MACROD1: variants seen among roughly 807,000 people sequenced by gnomAD.
MACROD1 encodes the protein mono-ADP ribosylhydrolase 1.
Under a neutral mutation model 41.4 loss-of-function variants are expected in MACROD1, and 31 were observed. The ratio of observed to expected loss-of-function variants is 0.75; its 90% CI spans 0.56 to 1.01. The LOEUF (loss-of-function observed/expected upper bound fraction) is 1.01, where lower values mean the gene tolerates loss of function less well. MACROD1 is among the 50% of genes least tolerant of loss of function. MACROD1 has a pLI of 0.00. For synonymous variants in MACROD1, 252 were observed against 203.4 expected, an observed-to-expected ratio of 1.24 and a Z score of -2.03; for missense variants, 473 against 460.0, an observed-to-expected ratio of 1.03 and a Z score of -0.26.
At chr11:64,105,737 G>A (rs1944751007) in intron 3 of MACROD1, among the ~76,000 whole-genome samples, 1 of 152,192 alleles carries the variant, frequency 6.6e-6, no homozygotes, top group Non-Finnish European at 1.5e-5. Flanking sequence ...CTGTTCCCCA[G>A]CATCCTCCCT....
In MACROD1 at chr11:64,082,045, T is replaced by C. The variant is rs1565223885; in HGVS notation, c.518-66764A>G. Reference sequence around the variant, plus strand: ...GGATCCCGTGACAGGTTGAAAAGTGTGTGAGCTGCAGCGTCCTGGGCTGGG... The same window carrying C: ...GGATCCCGTGACAGGTTGAAAAGTGCGTGAGCTGCAGCGTCCTGGGCTGGG... On this transcript the variant is annotated intron_variant, in intron 3 of 10. Transcript: ENST00000255681. This position sits in a 1 kb window ranked among gnomAD's most constrained non-coding sequence, Gnocchi z 4.5. The C allele has an allele frequency of 6.6e-6, 1 of 152,216 alleles. No individual in the cohort carries two copies. Among genetic ancestry groups the C allele is most frequent in the Non-Finnish European group, 1.5e-5 (1 of 68,132 alleles). 9.4% of individuals were successfully genotyped at this position (152,216 alleles called of 1,614,324 possible).
chr11:64,148,485 G>A (rs182490361), intron 3 of MACROD1, among the ~76,000 whole-genome samples: 4 of 152,294 alleles, frequency 2.6e-5, no homozygotes, highest in East Asian at 3.9e-4. Flanking sequence ...ACTGACGCCC[G>A]CGGGGCCAGC....
intron 3 of MACROD1, chr11:64,149,134 G>T: frequency 1.9e-6 from 1 of 531,892 alleles, no homozygotes; most frequent in Non-Finnish European, 2.4e-6. Flanking sequence ...GAGGTACCAT[G>T]TCCCTCGGCA....
chr11:64,041,643 T>C lies in MACROD1; in HGVS notation c.518-26362A>G, dbSNP rs954567361. 2.0e-5 allele frequency among the ~76,000 whole-genome samples: 3 copies of C among 151,810 alleles called. No individual in the cohort carries two copies. The South Asian group carries it at 6.3e-4, about 32-fold the overall frequency. On this transcript the variant is annotated intron_variant, in intron 3 of 10. Coordinates refer to ENST00000255681, the MANE Select transcript of MACROD1 (RefSeq NM_014067.4). ...ACCGAATGACCGCCTCGGGAGCTGG[T>C]GTGGTGGCAGTGGAGGGTCCAGCCT...
intron 1 of MACROD1, among the ~76,000 whole-genome samples, chr11:64,164,552 G>C (rs544619181): frequency 3.5e-3 from 531 of 152,376 alleles, no homozygotes; most frequent in Non-Finnish European, 6.6e-3. Flanking sequence ...CCAAGTGCCT[G>C]ACAAGTTCTC....
At chr11:64,079,237 G>A (rs191019923) in intron 3 of MACROD1, among the ~76,000 whole-genome samples, 3 of 152,044 alleles carry the variant, frequency 2.0e-5, no homozygotes, top group Non-Finnish European at 4.4e-5. Context: ...TTCCTGCTCT[G>A]GCATGTGGCT....
At chr11:64,101,132 C>T (rs1311967807) in intron 3 of MACROD1, among the ~76,000 whole-genome samples, 1 of 151,934 alleles carries the variant, frequency 6.6e-6, no homozygotes, top group Non-Finnish European at 1.5e-5. Context: ...CAGAGGGTGG[C>T]CCATTGCAGG....
At chr11:64,084,406 T>C (rs556695282) in intron 3 of MACROD1, among the ~76,000 whole-genome samples, 123 of 152,222 alleles carry the variant, frequency 8.1e-4, no homozygotes, top group African/African-American at 2.9e-3. Context: ...CTGAGCTGCC[T>C]ACCTTTCCCG....
chr11:63,998,818 C>G lies in MACROD1; in HGVS notation c.*30+20G>C. The G allele has an allele frequency of 6.6e-7, 1 of 1,516,784 alleles. No individual in the cohort carries two copies. The highest frequency in any genetic ancestry group is 8.8e-7 in the Non-Finnish European group (1 of 1,136,876). 94.0% of individuals were successfully genotyped at this position (1,516,784 alleles called of 1,614,324 possible). On this transcript the variant is annotated intron_variant, in intron 10 of 10. Transcript: ENST00000255681. ...TTAGTCTAGGGCCGGGGCCGCCGCA[C>G]GGGGCGAGGCCCTGCTTACCAGTCC...
intron 3 of MACROD1, among the ~76,000 whole-genome samples, chr11:64,130,724 C>T (rs1372665648): frequency 1.3e-5 from 2 of 152,188 alleles, no homozygotes; most frequent in African/African-American, 2.4e-5. Context: ...GCCGCACCCA[C>T]GTCACCTTCC....
At chr11:64,069,723 C>T (rs912475668) in intron 3 of MACROD1, among the ~76,000 whole-genome samples, 2 of 152,178 alleles carry the variant, frequency 1.3e-5, no homozygotes, top group African/African-American at 2.4e-5. Flanking sequence ...GTGACACCCC[C>T]GGGCCCGGCC....
chr11:64,065,228 C>T (rs952211801), intron 3 of MACROD1, among the ~76,000 whole-genome samples: 3 of 152,110 alleles, frequency 2.0e-5, no homozygotes, highest in Non-Finnish European at 2.9e-5. Flanking sequence ...AGATGAAGAG[C>T]GGGTAGAGTG....
chr11:64,138,465 T>C (rs1590958627), intron 3 of MACROD1: 2 of 970,684 alleles, frequency 2.1e-6, no homozygotes, highest in Non-Finnish European at 2.4e-6. Flanking sequence ...TTAATGTTCC[T>C]GTTTCTCCTC....
chr11:64,068,222 A>T (rs1944041216), intron 3 of MACROD1, among the ~76,000 whole-genome samples: 1 of 152,106 alleles, frequency 6.6e-6, no homozygotes, highest in African/African-American at 2.4e-5. Context: ...GTGATGTGGC[A>T]CCTCCACGCG....
chr11:64,078,098 G>A (rs950277990), intron 3 of MACROD1, among the ~76,000 whole-genome samples: 5 of 152,150 alleles, frequency 3.3e-5, no homozygotes, highest in Admixed American at 6.5e-5. Context: ...ACTGCCCTGC[G>A]CACCTGCCGG....
intron 3 of MACROD1, among the ~76,000 whole-genome samples, chr11:64,084,904 C>T (rs768227376): frequency 6.6e-6 from 1 of 152,232 alleles, no homozygotes; most frequent in South Asian, 2.1e-4. Flanking sequence ...CTCTGCAGTC[C>T]CCCTGCTCCC....
At chr11:64,149,314 C>G (rs1012000275) in intron 3 of MACROD1, among the ~76,000 whole-genome samples, 1 of 152,158 alleles carries the variant, frequency 6.6e-6, no homozygotes, top group Non-Finnish European at 1.5e-5. Context: ...CTTCACCACC[C>G]TCATTTTGCA....
chr11:64,116,876 G>A (rs753966881), intron 3 of MACROD1: 12 of 1,611,714 alleles, frequency 7.4e-6, no homozygotes, highest in Middle Eastern at 3.3e-4. Context: ...TGGAGGAGCT[G>A]CGGCTGGATG....
chr11:64,120,315 T>C lies in MACROD1; in HGVS notation c.517+30924A>G, dbSNP rs1341122321. 6.6e-6 allele frequency among the ~76,000 whole-genome samples: 1 copy of C among 152,204 alleles called. No homozygotes were observed. The highest frequency in any genetic ancestry group is 1.5e-5 in the Non-Finnish European group (1 of 68,040). On this transcript the variant is annotated intron_variant, in intron 3 of 10. Transcript: ENST00000255681. This position sits in a 1 kb window ranked among gnomAD's most constrained non-coding sequence, Gnocchi z 4.5. Reference sequence around the variant, plus strand: ...ACTCGAAACTAGACGTGTTTTTCCTTTTCCTGCCTGAATCATTTTCTCACA... The same window carrying C: ...ACTCGAAACTAGACGTGTTTTTCCTCTTCCTGCCTGAATCATTTTCTCACA...
Sources: allele counts gnomAD v4.1 joint callset (sites outside exome capture counted in the v4.1 genomes callset), GRCh38; gene constraint gnomAD v4.1.1; non-coding constraint Gnocchi (gnomAD v3.1); transcripts MANE v1.5; gene names NCBI Gene and HGNC (gene_info 2026-07-23, HGNC 2026-07-21).